Variants in ZNF804B observed in about 807,000 individuals in gnomAD.
ZNF804B encodes the protein zinc finger protein 804B, also known as zinc finger 804B.
ZNF804B carries 80 observed loss-of-function variants against 101.4 expected under a neutral mutation model. That is an observed-to-expected ratio of 0.79 (90% CI 0.66 to 0.95). ZNF804B has a LOEUF of 0.95. Ranked by LOEUF, ZNF804B falls within the 40% of genes least tolerant of loss-of-function variation. The pLI is 0.00. For missense variants in ZNF804B, 1,673 were observed against 1,561.9 expected (o/e 1.07, Z -1.20); for synonymous variants, 622 against 558.8 (o/e 1.11, Z -1.59).
At chr7:88,988,581 T>C (rs1793799196) in intron 1 of ZNF804B, among the ~76,000 whole-genome samples, 1 of 151,554 alleles carries the variant, frequency 6.6e-6, no homozygotes, top group African/African-American at 2.4e-5. Context: ...CTGCAACTGC[T>C]CTTTTGAGAA....
intron 1 of ZNF804B, among the ~76,000 whole-genome samples, chr7:88,839,053 C>T (rs954137000): frequency 1.3e-5 from 2 of 151,898 alleles, no homozygotes; most frequent in Admixed American, 6.6e-5. Context: ...ACATAGTTGG[C>T]GTAATCACAA....
intron 1 of ZNF804B, among the ~76,000 whole-genome samples, chr7:88,826,180 AAATT>A (rs1223322418): frequency 6.6e-6 from 1 of 152,204 alleles, no homozygotes; most frequent in African/African-American, 2.4e-5. Context: ...CATCATGAAT[AAATT>A]CAATAATTTT....
At chr7:88,841,104 A>T (rs79090946) in intron 1 of ZNF804B, among the ~76,000 whole-genome samples, 1 of 152,156 alleles carries the variant, frequency 6.6e-6, no homozygotes, top group African/African-American at 2.4e-5. Context: ...CATTCCTTGT[A>T]TAGCACATAA....
chr7:88,764,347 A>G (rs952459807), intron 1 of ZNF804B, among the ~76,000 whole-genome samples: 7 of 152,178 alleles, frequency 4.6e-5, no homozygotes, highest in Non-Finnish European at 8.8e-5. Context: ...ATCCTGGAAT[A>G]TCTTTTTCTG....
chr7:89,240,950 AATTGCT>A (rs1789360019), intron 2 of ZNF804B, among the ~76,000 whole-genome samples: 1 of 152,044 alleles, frequency 6.6e-6, no homozygotes, highest in Non-Finnish European at 1.5e-5. Context: ...TTTAACTTTT[AATTGCT>A]ATTCCAAACT....
chr7:89,334,965 TACAGTAGGGGGTC>T lies in ZNF804B; in HGVS notation c.1989_2001del (p.Gly664ThrfsTer8). 1 of 1,613,926 alleles carries T rather than the reference TACAGTAGGGGGTC, an allele frequency of 6.2e-7. No homozygotes were observed. Among genetic ancestry groups the T allele is most frequent in the Non-Finnish European group, 8.5e-7 (1 of 1,179,908 alleles). Reference sequence around the variant, plus strand: ...AATTCAACTGCAAGTCCAGTCCTTGTACAGTAGGGGGTCACAGTGACCATGGGAAAGACTTCAG... The same window carrying T: ...AATTCAACTGCAAGTCCAGTCCTTGTACAGTGACCATGGGAAAGACTTCAG... On this transcript the variant is annotated frameshift_variant, in exon 4 of 4. Coordinates refer to ENST00000333190, the MANE Select transcript of ZNF804B (RefSeq NM_181646.5). LOFTEE classifies it high-confidence loss of function.
chr7:89,336,968 C>G lies in ZNF804B; in HGVS notation c.3986C>G (p.Ser1329Cys), dbSNP rs1791105360. The G allele has an allele frequency of 6.2e-7, 1 of 1,614,096 alleles. No individual in the cohort carries two copies. The highest frequency in any genetic ancestry group is 8.5e-7 in the Non-Finnish European group (1 of 1,179,984). The change falls in exon 4 of 4, where the codon TCT becomes TGT. Residue 1329 changes from serine to cysteine, a missense_variant. By Grantham distance (112) the Ser-to-Cys change is moderately radical. Transcript: ENST00000333190. Reference sequence around the variant, plus strand: ...CAAGATTTTTGCCATCATTCTTGCTCTAGCCAGATGCAACAGCTAAATGAA... The same window carrying G: ...CAAGATTTTTGCCATCATTCTTGCTGTAGCCAGATGCAACAGCTAAATGAA... ...QGQDFCHHSCSSQMQQLNEVK... is the reference protein window; with the variant it reads ...QGQDFCHHSCCSQMQQLNEVK...
At position 89,014,518 on chromosome 7, in the gene ZNF804B, G is replaced by A. The variant is rs369502283; in HGVS notation, c.109-203637G>A. Among the ~76,000 whole-genome samples, 8 of 152,184 alleles carry A rather than the reference G, an allele frequency of 5.3e-5. No individual in the cohort carries two copies. The East Asian group carries it at 5.8e-4, about 11-fold the overall frequency. The stretch of plus-strand genomic sequence containing the variant: ...TTTTTAGTAGAGACGGGGTTTCACC[G>A]TGTTAGCCAGAATGGTTTTGATCTC... On this transcript the variant is annotated intron_variant, in intron 1 of 3. Coordinates refer to ENST00000333190, the MANE Select transcript of ZNF804B (RefSeq NM_181646.5).
intron 1 of ZNF804B, among the ~76,000 whole-genome samples, chr7:88,816,146 C>G (rs1296016903): frequency 6.6e-6 from 1 of 151,370 alleles, no homozygotes; most frequent in East Asian, 2.0e-4. Flanking sequence ...GCTCAGACTC[C>G]GTTACCCCAT....
At chr7:88,762,401 A>G (rs1235709416) in intron 1 of ZNF804B, among the ~76,000 whole-genome samples, 2 of 152,142 alleles carry the variant, frequency 1.3e-5, no homozygotes, top group African/African-American at 2.4e-5. Flanking sequence ...CCATTACATA[A>G]CACTTAGCCT....
intron 1 of ZNF804B, among the ~76,000 whole-genome samples, chr7:88,763,017 G>A (rs1356548161): frequency 1.3e-5 from 2 of 152,124 alleles, no homozygotes; most frequent in Admixed American, 6.5e-5. Context: ...AAAGGAGAAA[G>A]CTACAATCCC....
At chr7:88,898,094 T>G (rs1350831910) in intron 1 of ZNF804B, among the ~76,000 whole-genome samples, 11 of 131,462 alleles carry the variant, frequency 8.4e-5, no homozygotes, top group South Asian at 5.4e-4. Context: ...TTTTTTTTTT[T>G]TTTTTTTTTT....
At chr7:89,147,861 G>A (rs761430194) in intron 1 of ZNF804B, among the ~76,000 whole-genome samples, 6 of 151,646 alleles carry the variant, frequency 4.0e-5, no homozygotes, top group Non-Finnish European at 8.8e-5. Context: ...CCATCTAGTT[G>A]CAGGAAAACA....
At chr7:88,764,041 A>G (rs965497587) in intron 1 of ZNF804B, among the ~76,000 whole-genome samples, 9 of 152,288 alleles carry the variant, frequency 5.9e-5, no homozygotes, top group Non-Finnish European at 8.8e-5. Context: ...ATGAACTTCT[A>G]AGTTCTATCA....
At chr7:88,886,295 A>G (rs1388944751) in intron 1 of ZNF804B, among the ~76,000 whole-genome samples, 4 of 146,298 alleles carry the variant, frequency 2.7e-5, no homozygotes, top group African/African-American at 9.7e-5. Context: ...GTAGGTGTTG[A>G]TGTCTACTTG....
rs1436753688 is a variant in ZNF804B at position 88,854,507 on chromosome 7, CTTTCCTTTCCT to C, written c.108+94426_108+94436del. On this transcript the variant is annotated intron_variant, in intron 1 of 3. Transcript: ENST00000333190. ...CTTTCCTTTCCTTTCCTTTCCTTTCCTTTCCTTTCCTTTCCTTCCTTTCCTTCCTTCCTTCC... is the reference window on the plus strand; with the variant it reads ...CTTTCCTTTCCTTTCCTTTCCTTTCCTTCCTTCCTTTCCTTCCTTCCTTCC... 9.3e-4 allele frequency among the ~76,000 whole-genome samples: 77 copies of C among 82,554 alleles called. 4 individuals carry two copies. Among genetic ancestry groups the C allele is most frequent in the African/African-American group, 4.8e-3 (74 of 15,542 alleles). 54.2% of individuals were successfully genotyped at this position (82,554 alleles called of 152,430 possible).
chr7:89,062,271 T>C (rs563735386), intron 1 of ZNF804B, among the ~76,000 whole-genome samples: 14 of 152,246 alleles, frequency 9.2e-5, no homozygotes, highest in Middle Eastern at 3.4e-3. Context: ...TACAAGGCAC[T>C]CATAGTCACC....
intron 1 of ZNF804B, among the ~76,000 whole-genome samples, chr7:88,798,231 T>C (rs1790521860): frequency 6.6e-6 from 1 of 152,116 alleles, no homozygotes; most frequent in Non-Finnish European, 1.5e-5. Context: ...TCATCTTTTC[T>C]CACCATGTGT....
intron 2 of ZNF804B, among the ~76,000 whole-genome samples, chr7:89,322,131 T>C (rs1790830628): frequency 6.6e-6 from 1 of 152,184 alleles, no homozygotes; most frequent in African/African-American, 2.4e-5. Context: ...TTTATATCTT[T>C]TCACTAGTAA....
Sources: gnomAD v4.1 joint callset for allele counts (sites outside exome capture counted in the v4.1 genomes callset) on GRCh38, gnomAD v4.1.1 for gene constraint, MANE v1.5 for transcripts, NCBI Gene and HGNC (gene_info 2026-07-23, HGNC 2026-07-21) for gene names.